Variants in CLCA4 observed in about 807,000 individuals in gnomAD.
CLCA4 encodes chloride channel accessory 4.
Under a neutral mutation model 78.9 loss-of-function variants are expected in CLCA4, and 69 were observed. That is an observed-to-expected ratio of 0.87 (90% CI 0.72 to 1.07). CLCA4 has a LOEUF of 1.07. Among genes scored for constraint, CLCA4 ranks in the 50% least tolerant of loss-of-function variants. The pLI is 0.00. For missense variants in CLCA4, 1,133 were observed against 1,095.8 expected (o/e 1.03, Z -0.48); for synonymous variants, 362 against 375.8 (o/e 0.96, Z 0.42).
intron 1 of CLCA4, among the ~76,000 whole-genome samples, chr1:86,548,467 G>C (rs941691543): frequency 6.6e-6 from 1 of 151,966 alleles, no homozygotes; most frequent in Non-Finnish European, 1.5e-5. Flanking sequence ...CAGATCATGA[G>C]GTCAGGATTT....
intron 11 of CLCA4, among the ~76,000 whole-genome samples, chr1:86,576,931 GA>G (rs1650539435): frequency 6.6e-6 from 1 of 151,986 alleles, no homozygotes; most frequent in Non-Finnish European, 1.5e-5. Flanking sequence ...AATGAGCAAG[GA>G]AATAACTATA....
At chr1:86,556,248 G>A (rs1649837484) in intron 1 of CLCA4, among the ~76,000 whole-genome samples, 1 of 152,168 alleles carries the variant, frequency 6.6e-6, no homozygotes, top group African/African-American at 2.4e-5. Flanking sequence ...AGTTGAATAG[G>A]AGTGGTGAGA....
In CLCA4 at chr1:86,563,739, G is replaced by A. The variant is rs368121159; in HGVS notation, c.527G>A (p.Arg176His). The A allele has an allele frequency of 1.7e-5, 28 of 1,607,962 alleles. No individual in the cohort carries two copies. Among genetic ancestry groups the A allele is most frequent in the Middle Eastern group, 1.7e-4 (1 of 6,050 alleles). The change falls in exon 4 of 14, where the codon CGT becomes CAT. Residue 176 changes from arginine (R) to histidine (H), a missense_variant. Transcript: ENST00000370563. ...TACAATGAAGATCAGCCTTTCTACC[G>A]TGCTAAGTCAAAAAAAATCGAAGCA... Reference protein sequence around the residue: ...DEYNEDQPFYRAKSKKIEATR... With the variant: ...DEYNEDQPFYHAKSKKIEATR...
At chr1:86,553,359 C>G (rs35359391) in intron 1 of CLCA4, 1 of 559,884 alleles carries the variant, frequency 1.8e-6, no homozygotes, top group Non-Finnish European at 3.2e-6. Context: ...TTTGAGAGAA[C>G]GGTTATCTGG....
chr1:86,554,010 T>A (rs1490990951), intron 1 of CLCA4, among the ~76,000 whole-genome samples: 1 of 152,114 alleles, frequency 6.6e-6, no homozygotes, highest in Non-Finnish European at 1.5e-5. Context: ...TTATTTTGGG[T>A]TCAGGGGTAC....
chr1:86,565,580 CAT>C (rs1336550885), intron 5 of CLCA4, 129 bp downstream of exon 5: 3 of 752,754 alleles, frequency 4.0e-6, no homozygotes, highest in Non-Finnish European at 6.4e-6. Flanking sequence ...CTGGCTAACA[CAT>C]AGTATTTGCT....
Position 86,572,707 on chromosome 1 carries a change from A to G in CLCA4, c.1454A>G (p.Gln485Arg). The change falls in exon 9 of 14, where the codon CAG becomes CGG. Residue 485 changes from glutamine (Q) to arginine (R), a missense_variant. Coordinates refer to ENST00000370563, the MANE Select transcript of CLCA4 (RefSeq NM_012128.4). ...ALTSGNTDLS[Q>R]KSLQLESKGL... ...ACATCAGGAAATACTGATCTCTCCC[A>G]GAAGTCCCTTCAGGTCAGAGTTCTC... The G allele has an allele frequency of 6.3e-7, 1 of 1,586,884 alleles. No individual in the cohort carries two copies.
chr1:86,553,077 C>T (rs1325004475), intron 1 of CLCA4: 1 of 688,512 alleles, frequency 1.5e-6, no homozygotes. Flanking sequence ...AGTGGTCCAG[C>T]GGCGCCCACC....
intron 5 of CLCA4, 66 bp downstream of exon 5, chr1:86,565,517 A>G (rs998784514): frequency 7.0e-6 from 9 of 1,292,224 alleles, no homozygotes; most frequent in Admixed American, 6.4e-5. Flanking sequence ...TTTTTAAAGT[A>G]TCTGTTCAGG....
intron 1 of CLCA4, among the ~76,000 whole-genome samples, chr1:86,557,050 T>C (rs1345652620): frequency 6.6e-6 from 1 of 152,198 alleles, no homozygotes; most frequent in Non-Finnish European, 1.5e-5. Context: ...ATTCCCTTCA[T>C]TATTTCCAAT....
At chr1:86,577,268 A>G (rs1319408690) in intron 11 of CLCA4, among the ~76,000 whole-genome samples, 3 of 152,098 alleles carry the variant, frequency 2.0e-5, no homozygotes, top group African/African-American at 7.2e-5. Context: ...AGATGGTATT[A>G]GTGATTAACA....
intron 3 of CLCA4, among the ~76,000 whole-genome samples, chr1:86,561,124 T>C (rs1215348044): frequency 6.6e-6 from 1 of 152,222 alleles, no homozygotes; most frequent in African/African-American, 2.4e-5. Context: ...GATCTGGTCC[T>C]ATTCATTACC....
At position 86,560,304 on chromosome 1, in the gene CLCA4, C is replaced by T. The variant is rs1649979621; in HGVS notation, c.394C>T (p.His132Tyr). ...TECGEKGEYI[H>Y]FTPDLLLGKK... is the part of the protein sequence containing the mutation. ...ATGTGGAGAGAAAGGCGAATACATT[C>T]ACTTCACCCCTGACCTTCTACTTGG... Residue 132 changes from histidine to tyrosine, a missense_variant, in exon 3 of 14, where the codon CAC (histidine) becomes TAC (tyrosine). His to Tyr is a moderately conservative substitution (Grantham distance 83, BLOSUM62 2). Coordinates refer to ENST00000370563, the MANE Select transcript of CLCA4 (RefSeq NM_012128.4). 6.2e-7 allele frequency: 1 copy of T among 1,613,874 alleles called. No individual in the cohort carries two copies.
chr1:86,552,682 G>C (rs1649701573), intron 1 of CLCA4: 1 of 1,036,612 alleles, frequency 9.6e-7, no homozygotes, highest in Non-Finnish European at 1.5e-6. Context: ...TGCAGATGGA[G>C]CTGGGGCACG....
intron 1 of CLCA4, among the ~76,000 whole-genome samples, chr1:86,556,276 G>A (rs1182460052): frequency 6.6e-6 from 1 of 152,180 alleles, no homozygotes; most frequent in Non-Finnish European, 1.5e-5. Context: ...TCCTTGTCTT[G>A]TGCCAGTTTT....
At chr1:86,577,207 T>A (rs1650546398) in intron 11 of CLCA4, among the ~76,000 whole-genome samples, 1 of 152,108 alleles carries the variant, frequency 6.6e-6, no homozygotes, top group African/African-American at 2.4e-5. Context: ...TTTTGCTAGA[T>A]GACCATTTAG....
intron 12 of CLCA4, among the ~76,000 whole-genome samples, chr1:86,578,597 G>A (rs1353526076): frequency 1.3e-5 from 2 of 151,892 alleles, no homozygotes; most frequent in African/African-American, 2.4e-5. Context: ...GAGGATAATG[G>A]CCTCCAGCTC....
chr1:86,566,069 G>A lies in CLCA4; in HGVS notation c.954+49G>A, dbSNP rs2231593. On this transcript the variant is annotated intron_variant, in intron 6 of 13. Transcript: ENST00000370563. Reference sequence around the variant, plus strand: ...AGGGATGTAGGATATTTGAAGATCCGAGAACACACTGAACTCTGTCTGCAC... The same window carrying A: ...AGGGATGTAGGATATTTGAAGATCCAAGAACACACTGAACTCTGTCTGCAC... 1.2e-3 allele frequency: 1,823 copies of A among 1,504,656 alleles called. 29 individuals carry two copies. In the African/African-American group the frequency reaches 0.022, roughly 18 times the overall value. 93.2% of individuals were successfully genotyped at this position (1,504,656 alleles called of 1,614,324 possible).
chr1:86,553,085 A>T, intron 1 of CLCA4: 1 of 706,356 alleles, frequency 1.4e-6, no homozygotes, highest in Non-Finnish European at 2.5e-6. Flanking sequence ...AGCGGCGCCC[A>T]CCCTGCAGCC....
Sources: gnomAD v4.1 joint callset for allele counts (sites outside exome capture counted in the v4.1 genomes callset) on GRCh38, gnomAD v4.1.1 for gene constraint, MANE v1.5 for transcripts, NCBI Gene and HGNC (gene_info 2026-07-23, HGNC 2026-07-21) for gene names.